Variants in NBN observed in about 807,000 individuals in gnomAD.
The protein encoded by NBN is Nijmegen breakage syndrome 1 (nibrin).
A neutral mutation model predicts 90.8 loss-of-function variants in NBN; 88 were observed. That is an observed-to-expected ratio of 0.97 (90% CI 0.82 to 1.16). The LOEUF is 1.16. NBN is among the 50% of genes most tolerant of loss of function. NBN has a pLI of 0.00. For missense variants in NBN, 894 were observed against 869.6 expected, an observed-to-expected ratio of 1.03 and a Z score of -0.35; for synonymous variants, 328 against 295.1, an observed-to-expected ratio of 1.11 and a Z score of -1.14.
chr8:89,955,432 C>A lies in NBN; in HGVS notation c.1248G>T (p.Met416Ile), dbSNP rs756572268. Residue 416 changes from methionine (M) to isoleucine (I), a missense_variant, in exon 10 of 16, where the codon ATG (methionine) becomes ATT (isoleucine). Coordinates refer to ENST00000265433, the MANE Select transcript of NBN (RefSeq NM_002485.5). ...TCATCTTAGCCAAAGTATTTGATACCATACTATTATTATTAGAGCTTGTTT... is the reference window on the plus strand; with the variant it reads ...TCATCTTAGCCAAAGTATTTGATACAATACTATTATTATTAGAGCTTGTTT... ...SCKTSSNNNS[M>I]VSNTLAKMRI... 1.9e-6 allele frequency: 3 copies of A among 1,613,536 alleles called. No individual in the cohort carries two copies. Among genetic ancestry groups the A allele is most frequent in the Non-Finnish European group, 2.5e-6 (3 of 1,179,756 alleles).
At chr8:89,946,902 G>C (rs1810216379) in intron 12 of NBN, among the ~76,000 whole-genome samples, 1 of 152,038 alleles carries the variant, frequency 6.6e-6, no homozygotes, top group African/African-American at 2.4e-5. Flanking sequence ...TGAGATTCTT[G>C]GCTTCGTGTC....
At chr8:89,971,370 A>G in intron 5 of NBN, 80 bp from the exon 6 acceptor site, 1 of 1,460,818 alleles carries the variant, frequency 6.8e-7, no homozygotes. Flanking sequence ...ACTATCTGAC[A>G]CTCAAAAGGC....
chr8:89,983,928 C>A (rs1812197117), intron 1 of NBN, among the ~76,000 whole-genome samples: 2 of 152,272 alleles, frequency 1.3e-5, no homozygotes, highest in South Asian at 4.1e-4. Flanking sequence ...ATCATGTAAA[C>A]TTCCCGAGGA....
At chr8:89,936,086 A>AT (rs765147166) in intron 15 of NBN, 2 of 341,052 alleles carry the variant, frequency 5.9e-6, no homozygotes, top group South Asian at 2.1e-5. Flanking sequence ...GTCTGTCAAC[A>AT]CTTTTTTTTT....
chr8:89,982,719 T>C lies in NBN; in HGVS notation c.171+3A>G, dbSNP rs1487002693. 1 of 1,611,996 alleles carries C rather than the reference T, an allele frequency of 6.2e-7. No homozygotes were observed. ...AACTAGTGAAATAAAATTAGTAACATACCAGGTTGGTTACAGAAAAGTTAG... is the reference window on the plus strand; with the variant it reads ...AACTAGTGAAATAAAATTAGTAACACACCAGGTTGGTTACAGAAAAGTTAG... On this transcript the variant is annotated splice_donor_region_variant and intron_variant, in intron 2 of 15. Transcript: ENST00000265433.
chr8:89,981,912 C>A, intron 2 of NBN: 1 of 926,262 alleles, frequency 1.1e-6, no homozygotes, highest in Non-Finnish European at 1.4e-6. Context: ...AAAATTAGTC[C>A]CATGAGAATA....
rs13312983 is a variant in NBN at position 89,934,599 on chromosome 8, C to T, written c.*983G>A. 3.2e-4 allele frequency: 74 copies of T among 233,204 alleles called. No individual in the cohort carries two copies. Among genetic ancestry groups the T allele is most frequent in the Admixed American group, 9.6e-4 (17 of 17,798 alleles). The allele number at this position is 233,204 out of a possible 1,614,324, so 14.4% of individuals were successfully genotyped here. On this transcript the variant is annotated 3_prime_UTR_variant, in exon 16 of 16. Transcript: ENST00000265433. ...TACAAGGGAAGTCATGGAAATATGGCCTCCATTCCTCACTGTTCCATTTCT... is the reference window on the plus strand; with the variant it reads ...TACAAGGGAAGTCATGGAAATATGGTCTCCATTCCTCACTGTTCCATTTCT...
Position 89,953,597 on chromosome 8 carries a change from G to T in NBN, c.1492C>A (p.Pro498Thr), listed in dbSNP as rs915825113. Residue 498 changes from proline to threonine, a missense_variant, in exon 11 of 16, where the codon CCC (proline) becomes ACC (threonine). By Grantham distance (38) the Pro-to-Thr change is conservative. Transcript: ENST00000265433. The stretch of plus-strand genomic sequence containing the variant: ...TGCTCCTTATTTTTCCACAATGAGG[G>T]TGTAGCAGGTTGTGTTTGTTCTAAA... ...SLLEQTQPATPSLWKNKEQHL... is the reference protein window; with the variant it reads ...SLLEQTQPATTSLWKNKEQHL... 3 of 1,613,270 alleles carry T rather than the reference G, an allele frequency of 1.9e-6. No individual in the cohort carries two copies. The highest frequency in any genetic ancestry group is 1.7e-5 in the Admixed American group (1 of 59,978).
intron 9 of NBN, among the ~76,000 whole-genome samples, chr8:89,957,632 G>A (rs754430937): frequency 6.6e-6 from 1 of 152,042 alleles, no homozygotes; most frequent in Non-Finnish European, 1.5e-5. Flanking sequence ...CTCCATTCAC[G>A]GTAAGTGTCT....
chr8:89,982,388 TA>T, intron 2 of NBN: 1 of 360,540 alleles, frequency 2.8e-6, no homozygotes, highest in South Asian at 2.5e-5. Flanking sequence ...ACATTACTGC[TA>T]ATGGCAAAAA....
intron 1 of NBN, 188 bp downstream of exon 1, chr8:89,984,337 C>T: frequency 1.5e-6 from 1 of 657,564 alleles, no homozygotes; most frequent in Non-Finnish European, 2.7e-6. Flanking sequence ...GCGCTGAATT[C>T]CAGCTCACAG....
chr8:89,978,898 AAT>A (rs1811908495), intron 4 of NBN, among the ~76,000 whole-genome samples: 1 of 152,262 alleles, frequency 6.6e-6, no homozygotes, highest in South Asian at 2.1e-4. Context: ...ATAAGCCTCA[AAT>A]ATGATACATC....
rs1259067206 is a variant in NBN at position 89,933,827 on chromosome 8, C to T, written c.*1755G>A. The T allele has an allele frequency of 1.3e-5, 3 of 232,224 alleles. No individual in the cohort carries two copies. The highest frequency in any genetic ancestry group is 2.2e-5 in the African/African-American group (1 of 45,258). The allele number at this position is 232,224 out of a possible 1,614,324, so 14.4% of individuals were successfully genotyped here. A position where few individuals can be genotyped will look rare whatever the true frequency, so the allele number is the denominator to read the frequency against. On this transcript the variant is annotated 3_prime_UTR_variant, in exon 16 of 16. Coordinates refer to ENST00000265433, the MANE Select transcript of NBN (RefSeq NM_002485.5). Reference sequence around the variant, plus strand: ...ACAGACTAGGTGTAATATCTCAATACATATATCCGACAAGAGACTTGCATC... The same window carrying T: ...ACAGACTAGGTGTAATATCTCAATATATATATCCGACAAGAGACTTGCATC...
intron 7 of NBN, among the ~76,000 whole-genome samples, chr8:89,966,802 C>G (rs1385383664): frequency 6.6e-6 from 1 of 152,074 alleles, no homozygotes; most frequent in Non-Finnish European, 1.5e-5. Context: ...CTAATTAAGA[C>G]AATGTGGTAT....
intron 2 of NBN, 66 bp from the exon 3 acceptor site, chr8:89,981,589 T>C: frequency 1.3e-6 from 2 of 1,572,946 alleles, no homozygotes; most frequent in Non-Finnish European, 1.7e-6. Context: ...AGAGAAAAAG[T>C]TTTCAAAAGA....
intron 8 of NBN, 105 bp downstream of exon 8, chr8:89,964,305 T>C (rs576814002): frequency 3.2e-6 from 4 of 1,257,416 alleles, no homozygotes; most frequent in South Asian, 2.5e-5. Flanking sequence ...TTTTAAAACA[T>C]GGTGAATATG....
In NBN at chr8:89,974,248, T is replaced by C. The variant is rs187584708; in HGVS notation, c.585-2958A>G. Among the ~76,000 whole-genome samples, 607 of 146,296 alleles carry C rather than the reference T, an allele frequency of 4.1e-3. 7 individuals are homozygous for C. The highest frequency in any genetic ancestry group is 0.015 in the African/African-American group (568 of 38,046). On this transcript the variant is annotated intron_variant, in intron 5 of 15. Transcript: ENST00000265433. ...ATAATTTCTAGAACCATTTACTATA[T>C]GGCTTTTTTTTTTTTTTTTTTTTGG...
intron 5 of NBN, among the ~76,000 whole-genome samples, chr8:89,975,846 TAAG>T (rs1411098129): frequency 1.3e-5 from 2 of 152,206 alleles, no homozygotes; most frequent in Non-Finnish European, 2.9e-5. Context: ...AATCTAGAAT[TAAG>T]AATAGCTCAC....
chr8:89,943,160 T>TAAA, intron 14 of NBN, 93 bp downstream of exon 14: 1 of 1,338,178 alleles, frequency 7.5e-7, no homozygotes, highest in East Asian at 2.3e-5. Context: ...TGTCACTTAT[T>TAAA]TTAATTTGGT....
Sources: allele counts gnomAD v4.1 joint callset (sites outside exome capture counted in the v4.1 genomes callset), GRCh38; gene constraint gnomAD v4.1.1; transcripts MANE v1.5; gene names NCBI Gene and HGNC (gene_info 2026-07-23, HGNC 2026-07-21).